The following KATNIP variants were observed in gnomAD, a reference collection of about 807,000 sequenced individuals.
KATNIP encodes katanin-interacting protein.
A neutral mutation model predicts 174.0 loss-of-function variants in KATNIP; 126 were observed. The observed-to-expected ratio is 0.72, with a 90% CI of 0.63 to 0.84. KATNIP has a LOEUF of 0.84. Ranked by LOEUF, KATNIP falls within the 40% of genes least tolerant of loss-of-function variation. The pLI is 0.00. For missense variants in KATNIP, 1,958 were observed against 2,109.7 expected (o/e 0.93, Z 1.41); for synonymous variants, 810 against 835.7 (o/e 0.97, Z 0.53).
chr16:27,766,006 A>G (rs577621544), intron 19 of KATNIP, among the ~76,000 whole-genome samples: 2 of 152,092 alleles, frequency 1.3e-5, no homozygotes, highest in African/African-American at 2.4e-5. Flanking sequence ...ACTGGGCTAA[A>G]GGATTCTGAA....
intron 6 of KATNIP, among the ~76,000 whole-genome samples, chr16:27,658,564 C>T (rs1256475392): frequency 6.6e-6 from 1 of 152,056 alleles, no homozygotes; most frequent in Non-Finnish European, 1.5e-5. Flanking sequence ...TAAAAAGCAA[C>T]AAAAATACAG....
intron 5 of KATNIP, among the ~76,000 whole-genome samples, chr16:27,636,104 T>C (rs138454320): frequency 1.0e-3 from 152 of 152,216 alleles, no homozygotes; most frequent in African/African-American, 3.5e-3. Flanking sequence ...CAGTGAGCCA[T>C]GACCGCACCA....
intron 2 of KATNIP, among the ~76,000 whole-genome samples, chr16:27,602,791 T>G (rs772568384): frequency 2.0e-5 from 3 of 152,080 alleles, no homozygotes; most frequent in Non-Finnish European, 2.9e-5. Flanking sequence ...CTCCTCCTCC[T>G]GGGTTCAAGT....
chr16:27,677,181 C>T (rs1255665724), intron 6 of KATNIP, among the ~76,000 whole-genome samples: 1 of 152,092 alleles, frequency 6.6e-6, no homozygotes. Context: ...ATTTAGATGC[C>T]GCTCAACACC....
At chr16:27,738,665 T>A (rs994523821) in intron 14 of KATNIP, among the ~76,000 whole-genome samples, 2 of 152,232 alleles carry the variant, frequency 1.3e-5, no homozygotes, top group African/African-American at 2.4e-5. Context: ...ATCATCGGCA[T>A]GGTTCTGCAC....
At chr16:27,763,878 C>T (rs906768670) in intron 19 of KATNIP, among the ~76,000 whole-genome samples, 2 of 152,096 alleles carry the variant, frequency 1.3e-5, no homozygotes, top group African/African-American at 4.8e-5. Flanking sequence ...TTACTGGCTG[C>T]ATCTCTATGG....
At chr16:27,707,633 C>G (rs2079374649) in intron 12 of KATNIP, among the ~76,000 whole-genome samples, 1 of 152,254 alleles carries the variant, frequency 6.6e-6, no homozygotes, top group African/African-American at 2.4e-5. Context: ...ATCAGTCCAC[C>G]AGGGCTGCCA....
intron 1 of KATNIP, among the ~76,000 whole-genome samples, chr16:27,556,587 A>G (rs999897533): frequency 1.1e-4 from 16 of 152,242 alleles, no homozygotes; most frequent in Non-Finnish European, 2.4e-4. Context: ...ACTTTCTCAA[A>G]TAATTAATAA....
chr16:27,713,854 A>ATCTATCTATC (rs1400112435), intron 13 of KATNIP, among the ~76,000 whole-genome samples: 2 of 69,314 alleles, frequency 2.9e-5, no homozygotes, highest in Middle Eastern at 9.3e-3. Context: ...ATATATATAT[A>ATCTATCTATC]TATCTATCTC....
At chr16:27,770,073 C>T in intron 21 of KATNIP, 55 bp downstream of exon 21, 1 of 1,580,844 alleles carries the variant, frequency 6.3e-7, no homozygotes, top group Non-Finnish European at 8.7e-7. Flanking sequence ...GGCCCGCTTG[C>T]TTTGCAAGTT....
At chr16:27,608,586 T>C (rs2075791637) in intron 2 of KATNIP, among the ~76,000 whole-genome samples, 1 of 151,552 alleles carries the variant, frequency 6.6e-6, no homozygotes, top group East Asian at 1.9e-4. Context: ...GGCACGGTCA[T>C]AGCTCACTGT....
At chr16:27,553,441 G>T (rs2089476445) in intron 1 of KATNIP, among the ~76,000 whole-genome samples, 1 of 152,136 alleles carries the variant, frequency 6.6e-6, no homozygotes. Context: ...TCCCAAGACT[G>T]AATAACCAAA....
chr16:27,738,986 T>C (rs1449728226), intron 14 of KATNIP, among the ~76,000 whole-genome samples: 1 of 150,314 alleles, frequency 6.7e-6, no homozygotes, highest in Non-Finnish European at 1.5e-5. Context: ...AGCAGAAGAC[T>C]CCCATGATCT....
intron 6 of KATNIP, among the ~76,000 whole-genome samples, chr16:27,660,591 G>A (rs1217732208): frequency 6.6e-6 from 1 of 150,858 alleles, no homozygotes; most frequent in Non-Finnish European, 1.5e-5. Context: ...ATCGATGGGA[G>A]TAGACGATAC....
intron 14 of KATNIP, among the ~76,000 whole-genome samples, chr16:27,734,196 C>G (rs2080811037): frequency 1.3e-5 from 2 of 152,040 alleles, no homozygotes; most frequent in Admixed American, 1.3e-4. Flanking sequence ...AATTCTCCCG[C>G]CTCAGCCTCT....
intron 14 of KATNIP, among the ~76,000 whole-genome samples, chr16:27,722,066 T>C (rs376855357): frequency 3.9e-5 from 6 of 152,338 alleles, no homozygotes; most frequent in African/African-American, 1.4e-4. Context: ...CCCTTTCTCT[T>C]AGCCTTCACT....
rs369205400 is a variant in KATNIP at position 27,560,885 on chromosome 16, A to G, written c.7+10708A>G. Reference sequence around the variant, plus strand: ...GCTGGGTTGACACTGTAACCAGGAAAGAGATTAACGGATTTGTTCCCTAGT... The same window carrying G: ...GCTGGGTTGACACTGTAACCAGGAAGGAGATTAACGGATTTGTTCCCTAGT... On this transcript the variant is annotated intron_variant, in intron 1 of 27. Transcript: ENST00000261588. Among the ~76,000 whole-genome samples the G allele has an allele frequency of 1.7e-4, 26 of 152,340 alleles. No homozygotes were observed. In the South Asian group the frequency reaches 5.0e-3, roughly 29 times the overall value.
intron 15 of KATNIP, among the ~76,000 whole-genome samples, chr16:27,744,952 AAATTT>A (rs1269363671): frequency 6.6e-6 from 1 of 152,128 alleles, no homozygotes; most frequent in Non-Finnish European, 1.5e-5. Context: ...AAAAGAAAAT[AAATTT>A]AATTAATTAA....
chr16:27,731,947 G>T (rs139192175), intron 14 of KATNIP, among the ~76,000 whole-genome samples: 1 of 152,238 alleles, frequency 6.6e-6, no homozygotes, highest in South Asian at 2.1e-4. Flanking sequence ...TAGAGCGACC[G>T]TTGTCACTGG....
Sources: allele counts gnomAD v4.1 joint callset (sites outside exome capture counted in the v4.1 genomes callset), GRCh38; gene constraint gnomAD v4.1.1; transcripts MANE v1.5; gene names NCBI Gene and HGNC (gene_info 2026-07-23, HGNC 2026-07-21).